MBOAT2: variants seen among roughly 807,000 people sequenced by gnomAD.
MBOAT2 encodes membrane bound glycerophospholipid O-acyltransferase 2.
In MBOAT2, 28 loss-of-function variants were observed where a neutral mutation model predicts 63.4. The ratio of observed to expected loss-of-function variants is 0.44; its 90% CI spans 0.33 to 0.61. MBOAT2 has a LOEUF of 0.61. Ranked by LOEUF, MBOAT2 falls within the 20% of genes least tolerant of loss-of-function variation. The pLI is 0.03. For missense variants in MBOAT2, 470 were observed against 605.8 expected, an observed-to-expected ratio of 0.78 and a Z score of 2.35; for synonymous variants, 211 against 215.6, an observed-to-expected ratio of 0.98 and a Z score of 0.19.
At chr2:8,912,373 G>GAAAGAGAAAGAAAGAAAGAAAGAA (rs67420836) in intron 3 of MBOAT2, among the ~76,000 whole-genome samples, 5 of 84,276 alleles carry the variant, frequency 5.9e-5, no homozygotes, top group Non-Finnish European at 1.2e-4. Flanking sequence ...AAGAAAGAAA[G>GAAAGAGAAAGAAAGAAAGAAAGAA]AGAAAGAAAG....
At chr2:8,906,232 A>G (rs1220289474) in intron 4 of MBOAT2, among the ~76,000 whole-genome samples, 1 of 152,254 alleles carries the variant, frequency 6.6e-6, no homozygotes, top group Non-Finnish European at 1.5e-5. Context: ...TACAGGCATG[A>G]GCCACCACAC....
chr2:8,899,274 T>C (rs892739479), intron 4 of MBOAT2, among the ~76,000 whole-genome samples: 4 of 152,070 alleles, frequency 2.6e-5, no homozygotes, highest in African/African-American at 9.7e-5. Flanking sequence ...CTAATAAGGG[T>C]GTGGGACTTT....
At chr2:8,886,804 T>G (rs1465783957) in intron 5 of MBOAT2, among the ~76,000 whole-genome samples, 1 of 152,192 alleles carries the variant, frequency 6.6e-6, no homozygotes, top group Non-Finnish European at 1.5e-5. Flanking sequence ...ATATTCTCTT[T>G]CCAGTGTCAC....
intron 8 of MBOAT2, among the ~76,000 whole-genome samples, chr2:8,871,559 C>A (rs1451341713): frequency 6.6e-6 from 1 of 152,124 alleles, no homozygotes; most frequent in Admixed American, 6.5e-5. Flanking sequence ...TTAAGTAGTA[C>A]AGGAATTTAA....
chr2:8,939,903 C>T (rs771126483), intron 3 of MBOAT2, among the ~76,000 whole-genome samples: 1 of 152,126 alleles, frequency 6.6e-6, no homozygotes, highest in African/African-American at 2.4e-5. Context: ...AATAGTTTTT[C>T]GTTTCATAAA....
chr2:8,984,368 G>T (rs940046421), intron 1 of MBOAT2, among the ~76,000 whole-genome samples: 1 of 152,108 alleles, frequency 6.6e-6, no homozygotes, highest in Non-Finnish European at 1.5e-5. Flanking sequence ...ACTTAAAGAT[G>T]GTTACGATGG....
At chr2:8,972,217 A>G (rs1285541132) in intron 1 of MBOAT2, among the ~76,000 whole-genome samples, 2 of 152,200 alleles carry the variant, frequency 1.3e-5, no homozygotes, top group African/African-American at 4.8e-5. Context: ...AATACCACAC[A>G]TCTACAACCA....
chr2:8,867,080 G>A (rs769705953), intron 9 of MBOAT2, among the ~76,000 whole-genome samples: 1 of 152,054 alleles, frequency 6.6e-6, no homozygotes, highest in Non-Finnish European at 1.5e-5. Flanking sequence ...TTGAGACAGG[G>A]TTTTGCTGTG....
intron 4 of MBOAT2, among the ~76,000 whole-genome samples, chr2:8,898,781 G>C (rs910722452): frequency 6.6e-6 from 1 of 152,220 alleles, no homozygotes; most frequent in East Asian, 1.9e-4. Context: ...TCAGAGTGCA[G>C]GGGAATACAG....
At chr2:8,978,888 A>G (rs1671013103) in intron 1 of MBOAT2, among the ~76,000 whole-genome samples, 1 of 151,922 alleles carries the variant, frequency 6.6e-6, no homozygotes, top group Non-Finnish European at 1.5e-5. Flanking sequence ...GCAGGGGTCT[A>G]TTTTGAATCC....
At chr2:8,923,666 C>A (rs908712540) in intron 3 of MBOAT2, among the ~76,000 whole-genome samples, 3 of 152,162 alleles carry the variant, frequency 2.0e-5, no homozygotes, top group East Asian at 3.8e-4. Flanking sequence ...CAGGCTGACA[C>A]CCTGGTAGCA....
At chr2:8,916,037 C>G (rs577840624) in intron 3 of MBOAT2, among the ~76,000 whole-genome samples, 2 of 152,146 alleles carry the variant, frequency 1.3e-5, no homozygotes, top group Non-Finnish European at 2.9e-5. Context: ...TTGGAAAGGC[C>G]TTTCTTACTC....
intron 2 of MBOAT2, among the ~76,000 whole-genome samples, chr2:8,948,678 C>T (rs1017207304): frequency 3.3e-5 from 5 of 152,190 alleles, no homozygotes; most frequent in African/African-American, 1.2e-4. Context: ...TGATTTCCTT[C>T]TTTTTACAGC....
At chr2:8,964,782 A>G (rs1001701653) in intron 1 of MBOAT2, among the ~76,000 whole-genome samples, 2 of 152,364 alleles carry the variant, frequency 1.3e-5, no homozygotes, top group Non-Finnish European at 2.9e-5. Flanking sequence ...TTGCCAAGCT[A>G]ATAAATATAA....
intron 1 of MBOAT2, among the ~76,000 whole-genome samples, chr2:8,967,640 C>G (rs1670090934): frequency 6.6e-6 from 1 of 152,058 alleles, no homozygotes; most frequent in Non-Finnish European, 1.5e-5. Context: ...TATGACCTTC[C>G]TTTCACAGAC....
chr2:8,991,951 G>A lies in MBOAT2; in HGVS notation c.75+11589C>T, dbSNP rs117678393. Among the ~76,000 whole-genome samples the A allele has an allele frequency of 4.6e-5, 7 of 152,226 alleles. No individual in the cohort carries two copies. The East Asian group carries it at 7.7e-4, about 17-fold the overall frequency. ...GCTGTCCACACCTCAGAAAACCCAC[G>A]CATCTGCCTTTCCATTCATGTTCCT... On this transcript the variant is annotated intron_variant, in intron 1 of 12. Transcript: ENST00000305997.
chr2:8,911,176 AC>A (rs1355952565), intron 3 of MBOAT2, among the ~76,000 whole-genome samples: 1 of 152,174 alleles, frequency 6.6e-6, no homozygotes, highest in Non-Finnish European at 1.5e-5. Flanking sequence ...GAGGGGCAAA[AC>A]ACTTGTCCAT....
chr2:8,972,311 C>T (rs1053437794), intron 1 of MBOAT2, among the ~76,000 whole-genome samples: 3 of 152,108 alleles, frequency 2.0e-5, no homozygotes, highest in African/African-American at 7.2e-5. Context: ...AACTGGCTAG[C>T]CATATGTAGA....
At chr2:8,962,084 C>T (rs1669643046) in intron 1 of MBOAT2, among the ~76,000 whole-genome samples, 1 of 152,148 alleles carries the variant, frequency 6.6e-6, no homozygotes, top group Non-Finnish European at 1.5e-5. Flanking sequence ...TCTAATTGCT[C>T]CTTGGCACCT....
Sources: allele counts gnomAD v4.1 joint callset (sites outside exome capture counted in the v4.1 genomes callset), GRCh38; gene constraint gnomAD v4.1.1; transcripts MANE v1.5; gene names NCBI Gene and HGNC (gene_info 2026-07-23, HGNC 2026-07-21).